Variants in DSE observed in about 807,000 individuals in gnomAD.
The protein encoded by DSE is dermatan-sulfate epimerase.
Under a neutral mutation model 84.4 loss-of-function variants are expected in DSE, and 36 were observed. The ratio of observed to expected loss-of-function variants is 0.43; its 90% CI spans 0.33 to 0.56. The LOEUF (loss-of-function observed/expected upper bound fraction) is 0.56. DSE is among the 20% of genes least tolerant of loss of function. DSE has a pLI of 0.06. For synonymous variants in DSE, 410 were observed against 430.1 expected (o/e 0.95, Z 0.58); for missense variants, 862 against 1,169.6 (o/e 0.74, Z 3.84).
chr6:116,346,424 A>G (rs1307373036), intron 2 of DSE, among the ~76,000 whole-genome samples: 1 of 152,200 alleles, frequency 6.6e-6, no homozygotes, highest in Non-Finnish European at 1.5e-5. Flanking sequence ...ATCCACCATG[A>G]TCAAATGGGC....
intron 2 of DSE, among the ~76,000 whole-genome samples, chr6:116,259,417 T>C (rs1772305427): frequency 6.6e-6 from 1 of 152,220 alleles, no homozygotes; most frequent in African/African-American, 2.4e-5. Context: ...TCTGAAATTT[T>C]GAGCAGCTTT....
intron 2 of DSE, among the ~76,000 whole-genome samples, chr6:116,315,407 A>ATTTT (rs1233844722): frequency 2.0e-5 from 3 of 151,910 alleles, no homozygotes; most frequent in African/African-American, 7.3e-5. Context: ...TAGAATGTAA[A>ATTTT]TGTCATAAGG....
At chr6:116,407,821 T>A (rs1782033740) in intron 2 of DSE, among the ~76,000 whole-genome samples, 1 of 152,224 alleles carries the variant, frequency 6.6e-6, no homozygotes, top group Non-Finnish European at 1.5e-5. Context: ...TTTTTACATT[T>A]TTTTCTAGAA....
intron 1 of DSE, among the ~76,000 whole-genome samples, chr6:116,380,234 G>T (rs760601441): frequency 2.0e-5 from 3 of 152,032 alleles, no homozygotes; most frequent in Non-Finnish European, 2.9e-5. Flanking sequence ...GTAAGTATTT[G>T]CCAGGTACTT....
intron 2 of DSE, among the ~76,000 whole-genome samples, chr6:116,422,500 C>T (rs1783159428): frequency 6.6e-6 from 1 of 152,218 alleles, no homozygotes; most frequent in Admixed American, 6.5e-5. Context: ...CGAGCTAGCT[C>T]AGCTCTCAAC....
At chr6:116,382,450 G>T (rs1263499614) in intron 1 of DSE, among the ~76,000 whole-genome samples, 1 of 152,118 alleles carries the variant, frequency 6.6e-6, no homozygotes, top group African/African-American at 2.4e-5. Context: ...GCCATAAAGG[G>T]CTTTGGGATT....
upstream of DSE, chr6:116,369,989 A>G: frequency 1.6e-6 from 2 of 1,277,854 alleles, no homozygotes; most frequent in Non-Finnish European, 2.0e-6. Context: ...ACTTGCACAC[A>G]CTGGGTGGAG....
chr6:116,306,867 A>G (rs1562218644), intron 2 of DSE, among the ~76,000 whole-genome samples: 1 of 152,114 alleles, frequency 6.6e-6, no homozygotes, highest in Non-Finnish European at 1.5e-5. Flanking sequence ...TGCCATCTAC[A>G]AGCCAGAAAG....
intron 2 of DSE, chr6:116,399,976 T>C (rs967487796): frequency 3.4e-6 from 1 of 293,110 alleles, no homozygotes; most frequent in Non-Finnish European, 6.4e-6. Context: ...TCAGCATGTA[T>C]ATATTACTAT....
intron 2 of DSE, among the ~76,000 whole-genome samples, chr6:116,286,153 G>A (rs1349776295): frequency 1.3e-5 from 2 of 152,172 alleles, no homozygotes; most frequent in East Asian, 3.8e-4. Context: ...CTATCCATGA[G>A]CATGGAATGT....
intron 2 of DSE, among the ~76,000 whole-genome samples, chr6:116,286,363 C>T (rs1340261024): frequency 6.6e-6 from 1 of 152,070 alleles, no homozygotes; most frequent in Admixed American, 6.5e-5. Flanking sequence ...TTTCTTCTCT[C>T]TTCCCTCTTT....
At chr6:116,280,995 A>G (rs1773495075) in intron 2 of DSE, among the ~76,000 whole-genome samples, 2 of 152,232 alleles carry the variant, frequency 1.3e-5, no homozygotes, top group African/African-American at 4.8e-5. Context: ...TATGCGGCCA[A>G]AGGGACTTCG....
intron 2 of DSE, among the ~76,000 whole-genome samples, chr6:116,349,989 C>A (rs1337692119): frequency 6.6e-6 from 1 of 152,152 alleles, no homozygotes; most frequent in East Asian, 1.9e-4. Context: ...TTAAAAGAAT[C>A]ACTTACATAT....
intron 2 of DSE, among the ~76,000 whole-genome samples, chr6:116,292,292 T>A (rs1017148070): frequency 2.0e-5 from 3 of 151,838 alleles, no homozygotes; most frequent in African/African-American, 7.3e-5. Context: ...CAGAAGAGTG[T>A]TGTTTCAGTA....
At chr6:116,349,669 G>T (rs1353678257) in intron 2 of DSE, among the ~76,000 whole-genome samples, 1 of 152,124 alleles carries the variant, frequency 6.6e-6, no homozygotes, top group Non-Finnish European at 1.5e-5. Context: ...AGCTCTCATG[G>T]ATCGTGACAG....
intron 1 of DSE, among the ~76,000 whole-genome samples, chr6:116,373,575 G>T (rs1432119625): frequency 6.6e-6 from 1 of 152,182 alleles, no homozygotes; most frequent in African/African-American, 2.4e-5. Flanking sequence ...ATCTGCTTTA[G>T]TATTTACGAA....
rs147978697 is a variant in DSE at position 116,279,230 on chromosome 6, C to T, written c.-54+20263C>T. 4.2e-5 allele frequency: 68 copies of T among 1,609,348 alleles called. No individual in the cohort carries two copies. The African/African-American group carries it at 8.0e-4, about 19-fold the overall frequency. Reference sequence around the variant, plus strand: ...CTATCCTCCTCCGCCACTTCTATTTCTTCACCTTCTGGCGGCTGCTCCTCT... The same window carrying T: ...CTATCCTCCTCCGCCACTTCTATTTTTTCACCTTCTGGCGGCTGCTCCTCT... On this transcript the variant is annotated intron_variant, in intron 2 of 3. Transcript: ENST00000430252.
chr6:116,294,555 A>G (rs1774534615), intron 2 of DSE, among the ~76,000 whole-genome samples: 1 of 144,918 alleles, frequency 6.9e-6, no homozygotes, highest in African/African-American at 2.5e-5. Context: ...GTCAGGGAAG[A>G]TAGGAAAGCC....
intron 2 of DSE, among the ~76,000 whole-genome samples, chr6:116,291,286 G>C (rs949643059): frequency 1.1e-4 from 16 of 152,230 alleles, no homozygotes; most frequent in East Asian, 1.9e-4. Flanking sequence ...GGCTTTGGGT[G>C]CACAGAATAG....
Sources: gnomAD v4.1 joint callset for allele counts (sites outside exome capture counted in the v4.1 genomes callset) on GRCh38, gnomAD v4.1.1 for gene constraint, MANE v1.5 for transcripts, NCBI Gene and HGNC (gene_info 2026-07-23, HGNC 2026-07-21) for gene names.